The following AGBL3 variants were observed in gnomAD, a reference collection of about 807,000 sequenced individuals.
AGBL3 encodes the protein cytosolic carboxypeptidase 3.
In AGBL3, 68 loss-of-function variants were observed where a neutral mutation model predicts 94.5. The ratio of observed to expected loss-of-function variants is 0.72; its 90% CI spans 0.59 to 0.88. The LOEUF (loss-of-function observed/expected upper bound fraction) is 0.88. AGBL3 is among the 40% of genes least tolerant of loss of function. The pLI is 0.00. For missense variants in AGBL3, 934 were observed against 1,103.8 expected (o/e 0.85, Z 2.18); for synonymous variants, 354 against 370.7 (o/e 0.95, Z 0.52).
intron 15 of AGBL3, among the ~76,000 whole-genome samples, chr7:135,098,762 G>A (rs1350637991): frequency 6.6e-6 from 1 of 152,012 alleles, no homozygotes; most frequent in Non-Finnish European, 1.5e-5. Context: ...AAAAGAAACA[G>A]GAAGAGCAAA....
chr7:135,012,654 A>G (rs796310581), intron 4 of AGBL3: 11 of 152,234 alleles, frequency 7.2e-5, no homozygotes, highest in African/African-American at 2.6e-4. Flanking sequence ...TTACCAAATG[A>G]CCTTTGACAA....
chr7:135,025,056 T>C (rs1362586547), intron 5 of AGBL3, among the ~76,000 whole-genome samples: 6 of 151,550 alleles, frequency 4.0e-5, no homozygotes, highest in African/African-American at 1.4e-4. Flanking sequence ...TTTTAGGATA[T>C]AGTTCACAAA....
chr7:134,996,420 G>A (rs1337574792), intron 4 of AGBL3, among the ~76,000 whole-genome samples: 1 of 152,150 alleles, frequency 6.6e-6, no homozygotes, highest in East Asian at 1.9e-4. Context: ...GGGAGTTTCA[G>A]ACAGTAAACA....
chr7:135,127,425 C>G (rs375936955), intron 16 of AGBL3, among the ~76,000 whole-genome samples: 1 of 151,998 alleles, frequency 6.6e-6, no homozygotes, highest in African/African-American at 2.4e-5. Flanking sequence ...TGGTGGCGCA[C>G]GCCTGTAGTC....
rs1398711359 is a variant in AGBL3, at chr7:135,017,108, C to A, written c.367C>A (p.Pro123Thr). ...VYIPTGLETEPLYPDSKEATV... is the reference protein window; with the variant it reads ...VYIPTGLETETLYPDSKEATV... ...TATCCCAACGGGCTTAGAAACGGAA[C>A]CCCTTTATCCAGACTCCAAGGAAGC... Residue 123 changes from proline (P) to threonine (T), a missense_variant, in exon 5 of 17, where the codon CCC (proline) becomes ACC (threonine). Coordinates refer to ENST00000436302, the MANE Select transcript of AGBL3 (RefSeq NM_178563.4). 1.3e-6 allele frequency: 2 copies of A among 1,551,144 alleles called. No homozygotes were observed. The highest frequency in any genetic ancestry group is 3.9e-5 in the Admixed American group (2 of 50,974).
At chr7:134,998,381 G>A (rs919508884) in intron 4 of AGBL3, among the ~76,000 whole-genome samples, 12 of 152,154 alleles carry the variant, frequency 7.9e-5, no homozygotes, top group South Asian at 4.1e-4. Context: ...ACAGTCTCTT[G>A]CTCTGAGCCT....
intron 15 of AGBL3, among the ~76,000 whole-genome samples, chr7:135,084,956 C>T (rs1821215727): frequency 6.6e-6 from 1 of 152,118 alleles, no homozygotes; most frequent in Non-Finnish European, 1.5e-5. Flanking sequence ...TTTGCATTCC[C>T]ACCAAAAGTG....
chr7:135,059,913 C>G (rs1338104878), intron 12 of AGBL3, among the ~76,000 whole-genome samples: 1 of 152,182 alleles, frequency 6.6e-6, no homozygotes, highest in Non-Finnish European at 1.5e-5. Context: ...TGGCTTACAA[C>G]AAACTTTTAT....
At chr7:135,066,033 A>C (rs1819265957) in intron 12 of AGBL3, among the ~76,000 whole-genome samples, 1 of 152,214 alleles carries the variant, frequency 6.6e-6, no homozygotes, top group East Asian at 1.9e-4. Context: ...TCCTAGAAGA[A>C]ACATAGGGGA....
chr7:135,103,330 C>G (rs986430202), intron 15 of AGBL3, among the ~76,000 whole-genome samples: 8 of 152,106 alleles, frequency 5.3e-5, no homozygotes, highest in African/African-American at 1.9e-4. Flanking sequence ...ATACTAGTCT[C>G]TCTATATTCG....
intron 5 of AGBL3, among the ~76,000 whole-genome samples, chr7:135,022,085 G>C (rs1047713594): frequency 2.6e-5 from 4 of 152,120 alleles, no homozygotes; most frequent in Non-Finnish European, 5.9e-5. Flanking sequence ...CATTTGGGTT[G>C]GTTCCATGTC....
chr7:135,079,368 T>G (rs2116844083), intron 13 of AGBL3, among the ~76,000 whole-genome samples: 1 of 152,310 alleles, frequency 6.6e-6, no homozygotes, highest in South Asian at 2.1e-4. Context: ...TCATACTGAT[T>G]TTGCCCATTT....
chr7:135,051,234 A>G (rs1198640527), intron 11 of AGBL3: 1 of 203,268 alleles, frequency 4.9e-6, no homozygotes, highest in Admixed American at 6.3e-5. Context: ...GTCTTGAGTT[A>G]GTGCCCCTGC....
Position 135,044,018 on chromosome 7 carries a change from T to G in AGBL3, c.1501-7T>G, listed in dbSNP as rs1479124145. ...AACGAGTCTCATTTTTATTTGCTGC[T>G]TTTCAGTTTTCATTCTCAGCTTGCA... On this transcript the variant is annotated splice_region_variant and splice_polypyrimidine_tract_variant and intron_variant, in intron 8 of 16. Transcript: ENST00000436302. 6.5e-7 allele frequency: 1 copy of G among 1,547,598 alleles called. No homozygotes were observed. Among genetic ancestry groups the G allele is most frequent in the East Asian group, 2.5e-5 (1 of 40,724 alleles).
chr7:135,038,378 A>G (rs887532834), intron 8 of AGBL3, among the ~76,000 whole-genome samples: 5 of 152,194 alleles, frequency 3.3e-5, no homozygotes, highest in Non-Finnish European at 5.9e-5. Context: ...GAAAACCCAA[A>G]CCCATAGCTG....
intron 6 of AGBL3, among the ~76,000 whole-genome samples, chr7:135,033,227 T>C (rs910000573): frequency 1.3e-5 from 2 of 152,200 alleles, no homozygotes; most frequent in Non-Finnish European, 2.9e-5. Flanking sequence ...GCAATATGAA[T>C]TGTCACACAC....
At chr7:134,994,980 C>G (rs915054280) in intron 4 of AGBL3, among the ~76,000 whole-genome samples, 2 of 152,122 alleles carry the variant, frequency 1.3e-5, no homozygotes, top group African/African-American at 4.8e-5. Flanking sequence ...TCTGCTACCA[C>G]CCCCTCCAAC....
intron 4 of AGBL3, among the ~76,000 whole-genome samples, chr7:135,015,891 C>T (rs1490524022): frequency 3.4e-5 from 5 of 145,554 alleles, no homozygotes; most frequent in African/African-American, 1.0e-4. Flanking sequence ...ATTAGCCGGG[C>T]GTGGTGGCAG....
intron 12 of AGBL3, among the ~76,000 whole-genome samples, chr7:135,072,545 A>C (rs1156916557): frequency 2.6e-5 from 4 of 152,234 alleles, no homozygotes; most frequent in African/African-American, 9.6e-5. Context: ...CTGGATTGAG[A>C]AAATGTGGCA....
Sources: allele counts gnomAD v4.1 joint callset (sites outside exome capture counted in the v4.1 genomes callset), GRCh38; gene constraint gnomAD v4.1.1; transcripts MANE v1.5; gene names NCBI Gene and HGNC (gene_info 2026-07-23, HGNC 2026-07-21).